Variants in MAL observed in about 807,000 individuals in gnomAD.
The protein encoded by MAL is myelin and lymphocyte protein.
A neutral mutation model predicts 16.7 loss-of-function variants in MAL; 5 were observed. The observed-to-expected ratio is 0.30, with a 90% CI of 0.16 to 0.63. The LOEUF is 0.63. Ranked by LOEUF, MAL falls within the 30% of genes least tolerant of loss-of-function variation. The pLI, the probability that MAL is intolerant of heterozygous loss-of-function variation, is 0.82. For synonymous variants in MAL, 96 were observed against 85.5 expected, an observed-to-expected ratio of 1.12 and a Z score of -0.67; for missense variants, 202 against 195.8, an observed-to-expected ratio of 1.03 and a Z score of -0.19.
chr2:95,039,646 CTGAGTGAGGACTGAG>C lies in MAL; in HGVS notation c.94-8290_94-8276del, dbSNP rs894857425. Among the ~76,000 whole-genome samples, 7 of 139,860 alleles carry C rather than the reference CTGAGTGAGGACTGAG, an allele frequency of 5.0e-5. No individual in the cohort carries two copies. The South Asian group carries it at 1.2e-3, about 24-fold the overall frequency. 91.8% of individuals were successfully genotyped at this position (139,860 alleles called of 152,430 possible). A position where few individuals can be genotyped will look rare whatever the true frequency, so the allele number is the denominator to read the frequency against. ...GGTGAGTGAGTGACTGAGTGAGTGA[CTGAGTGAGGACTGAG>C]TGAGTGAGGACTGAGTGAGTGACTG... On this transcript the variant is annotated intron_variant, in intron 1 of 3. Coordinates refer to ENST00000309988, the MANE Select transcript of MAL (RefSeq NM_002371.4).
intron 1 of MAL, among the ~76,000 whole-genome samples, chr2:95,045,694 C>T (rs1207057008): frequency 6.6e-6 from 1 of 152,208 alleles, no homozygotes; most frequent in East Asian, 1.9e-4. Context: ...GCCAGGGCCT[C>T]CCTCTTCCCA....
At chr2:95,034,476 C>T (rs1339617662) in intron 1 of MAL, among the ~76,000 whole-genome samples, 4 of 152,172 alleles carry the variant, frequency 2.6e-5, no homozygotes, top group African/African-American at 7.2e-5. Context: ...TGCCCGCAGG[C>T]GTAGGAATGA....
chr2:95,053,346 A>G, intron 3 of MAL, 35 bp from the exon 4 acceptor site: 5 of 1,479,346 alleles, frequency 3.4e-6, no homozygotes, highest in Non-Finnish European at 4.7e-6. Flanking sequence ...CCCTCCCTAC[A>G]CAAACCCATT....
intron 1 of MAL, among the ~76,000 whole-genome samples, chr2:95,031,846 G>A (rs1461300483): frequency 6.6e-6 from 1 of 152,242 alleles, no homozygotes; most frequent in Non-Finnish European, 1.5e-5. Flanking sequence ...GAGGAGAAGT[G>A]TTCTAGACAG....
At chr2:95,053,308 C>G in intron 3 of MAL, 73 bp from the exon 4 acceptor site, 1 of 1,028,358 alleles carries the variant, frequency 9.7e-7, no homozygotes, top group Non-Finnish European at 1.5e-6. Flanking sequence ...CCACGTGGGG[C>G]TGGATGCAGT....
intron 1 of MAL, among the ~76,000 whole-genome samples, chr2:95,036,928 AGTAG>A (rs1674228933): frequency 6.7e-6 from 1 of 149,424 alleles, no homozygotes; most frequent in East Asian, 2.0e-4. Flanking sequence ...TGAGTGACTG[AGTAG>A]GTGAGTGACT....
At position 95,053,559 on chromosome 2, in the gene MAL, A is replaced by T. The variant is rs1674767097; in HGVS notation, c.*104A>T. The T allele has an allele frequency of 5.4e-6, 5 of 926,226 alleles. No homozygotes were observed. The Admixed American group carries it at 8.5e-5, about 16-fold the overall frequency. 57.4% of individuals were successfully genotyped at this position (926,226 alleles called of 1,614,324 possible). A position where few individuals can be genotyped will look rare whatever the true frequency, so the allele number is the denominator to read the frequency against. ...CAGAAATGCCCTTGATGGTGGAAAA[A>T]AGAAAACAACCACCCCCCCACTGCC... On this transcript the variant is annotated 3_prime_UTR_variant, in exon 4 of 4. Coordinates refer to ENST00000309988, the MANE Select transcript of MAL (RefSeq NM_002371.4).
chr2:95,038,397 T>TGAGC (rs1434512078), intron 1 of MAL, among the ~76,000 whole-genome samples: 3 of 151,222 alleles, frequency 2.0e-5, no homozygotes, highest in Non-Finnish European at 2.9e-5. Flanking sequence ...AGTGAGTGAG[T>TGAGC]GAGCAAGTGA....
At chr2:95,048,486 C>T (rs750009444) in intron 2 of MAL, among the ~76,000 whole-genome samples, 1 of 152,184 alleles carries the variant, frequency 6.6e-6, no homozygotes, top group Admixed American at 6.5e-5. Flanking sequence ...CCCCAGAGGC[C>T]GACCAAGGTG....
intron 1 of MAL, among the ~76,000 whole-genome samples, chr2:95,043,470 G>T (rs180671891): frequency 2.6e-5 from 4 of 152,356 alleles, no homozygotes; most frequent in Non-Finnish European, 5.9e-5. Flanking sequence ...GGGCCAAGAG[G>T]CAGAATCACT....
At chr2:95,036,120 G>A (rs1674198672) in intron 1 of MAL, among the ~76,000 whole-genome samples, 1 of 152,214 alleles carries the variant, frequency 6.6e-6, no homozygotes, top group Non-Finnish European at 1.5e-5. Flanking sequence ...CCCTCTGGGA[G>A]GAAGAAGCCT....
chr2:95,036,190 G>A (rs1226303906), intron 1 of MAL, among the ~76,000 whole-genome samples: 2 of 152,190 alleles, frequency 1.3e-5, no homozygotes, highest in Non-Finnish European at 2.9e-5. Context: ...TCAGGTCCCA[G>A]CCCCGCTCCC....
In MAL at chr2:95,048,079, C is replaced by G; in HGVS notation, c.214C>G (p.Leu72Val). 6.2e-7 allele frequency: 1 copy of G among 1,613,866 alleles called. No homozygotes were observed. Among genetic ancestry groups the G allele is most frequent in the Non-Finnish European group, 8.5e-7 (1 of 1,179,792 alleles). The stretch of plus-strand genomic sequence containing the variant: ...CGTGGCCACCACCACCTTGATCATC[C>G]TGTACATAATTGGAGCCCACGGTGG... ...CFVATTTLII[L>V]YIIGAHGGET... Residue 72 changes from leucine to valine, a missense_variant, in exon 2 of 4, where the codon CTG (leucine) becomes GTG (valine). Physicochemically the swap from Leu to Val is conservative, Grantham distance 32. Coordinates refer to ENST00000309988, the MANE Select transcript of MAL (RefSeq NM_002371.4).
At chr2:95,041,222 C>G (rs1262765758) in intron 1 of MAL, among the ~76,000 whole-genome samples, 1 of 152,214 alleles carries the variant, frequency 6.6e-6, no homozygotes, top group Non-Finnish European at 1.5e-5. Context: ...CAAGAATGTG[C>G]CAGAGAATGC....
chr2:95,040,422 C>A (rs553150750), intron 1 of MAL, among the ~76,000 whole-genome samples: 1 of 152,298 alleles, frequency 6.6e-6, no homozygotes, highest in South Asian at 2.1e-4. Context: ...CATACACATA[C>A]ATACGCACAG....
chr2:95,038,480 C>CTGAGTGAGTGAGTGAGTGAGTGAG (rs1306755867), intron 1 of MAL, among the ~76,000 whole-genome samples: 1 of 67,792 alleles, frequency 1.5e-5, no homozygotes, highest in African/African-American at 6.0e-5. Flanking sequence ...GAGTGAGTGA[C>CTGAGTGAGTGAGTGAGTGAGTGAG]TGAGTGAGTG....
Position 95,039,351 on chromosome 2 carries a change from ACT to A in MAL, c.94-8607_94-8606del, listed in dbSNP as rs879630069. ...GACTGAGTGAGTGAGTGAGTGAGTG[ACT>A]GACTGACTGACTGAGTAACTGAGTG... On this transcript the variant is annotated intron_variant, in intron 1 of 3. Coordinates refer to ENST00000309988, the MANE Select transcript of MAL (RefSeq NM_002371.4). Among the ~76,000 whole-genome samples, 63 of 144,796 alleles carry A rather than the reference ACT, an allele frequency of 4.4e-4. 1 individual carries two copies. The highest frequency in any genetic ancestry group is 5.4e-4 in the African/African-American group (21 of 39,072). 95.0% of individuals were successfully genotyped at this position (144,796 alleles called of 152,430 possible).
chr2:95,031,151 G>C (rs1288407460), intron 1 of MAL, among the ~76,000 whole-genome samples: 1 of 152,190 alleles, frequency 6.6e-6, no homozygotes, highest in Non-Finnish European at 1.5e-5. Flanking sequence ...CTGGGTCACC[G>C]GGTCTCCAGG....
intron 1 of MAL, among the ~76,000 whole-genome samples, chr2:95,040,297 C>T (rs1558659757): frequency 6.6e-6 from 1 of 152,062 alleles, no homozygotes; most frequent in African/African-American, 2.4e-5. Context: ...GAATACACAC[C>T]TGCACGCAAA....
Sources: gnomAD v4.1 joint callset for allele counts (sites outside exome capture counted in the v4.1 genomes callset) on GRCh38, gnomAD v4.1.1 for gene constraint, MANE v1.5 for transcripts, NCBI Gene and HGNC (gene_info 2026-07-23, HGNC 2026-07-21) for gene names.